PRR16: variants seen among roughly 807,000 people sequenced by gnomAD.
The protein encoded by PRR16 is protein Largen.
In PRR16, 6 loss-of-function variants were observed where a neutral mutation model predicts 18.2. The observed-to-expected ratio is 0.33, with a 90% CI of 0.18 to 0.65. The LOEUF (loss-of-function observed/expected upper bound fraction) is 0.65. PRR16 is among the 30% of genes least tolerant of loss of function. PRR16 has a pLI of 0.74. For missense variants in PRR16, 412 were observed against 376.6 expected (o/e 1.09, Z -0.78); for synonymous variants, 151 against 147.8 (o/e 1.02, Z -0.16).
At chr5:120,637,256 T>C (rs1230328705) in intron 1 of PRR16, among the ~76,000 whole-genome samples, 1 of 138,232 alleles carries the variant, frequency 7.2e-6, no homozygotes, top group Non-Finnish European at 1.5e-5. Context: ...AGTAGATCTA[T>C]CATTTGATTC....
the PRR16 span, among the ~76,000 whole-genome samples, chr5:120,727,513 G>C: frequency 3.0e-4 from 46 of 152,114 alleles, no homozygotes; most frequent in African/African-American, 1.0e-3. Flanking sequence ...ACCTTTCACC[G>C]ACATCACCCA....
chr5:120,579,457 G>A (rs543521027), intron 1 of PRR16, among the ~76,000 whole-genome samples: 90 of 152,192 alleles, frequency 5.9e-4, no homozygotes, highest in African/African-American at 2.0e-3. Flanking sequence ...TCCAGTTTCC[G>A]TTTTCTGCAT....
At chr5:120,559,595 T>C (rs1375564996) in intron 1 of PRR16, among the ~76,000 whole-genome samples, 1 of 151,906 alleles carries the variant, frequency 6.6e-6, no homozygotes, top group Admixed American at 6.6e-5. Context: ...ATGTTTTTGG[T>C]AATTGTTTTT....
At chr5:120,644,606 C>G (rs1302331650) in intron 1 of PRR16, among the ~76,000 whole-genome samples, 1 of 152,080 alleles carries the variant, frequency 6.6e-6, no homozygotes, top group Non-Finnish European at 1.5e-5. Context: ...TCCACTCAAT[C>G]TTGCCTTTTG....
intron 1 of PRR16, among the ~76,000 whole-genome samples, chr5:120,555,069 A>G: frequency 6.6e-6 from 1 of 151,948 alleles, no homozygotes; most frequent in East Asian, 1.9e-4. Flanking sequence ...TAATCTCTAT[A>G]CATTCTTTCA....
intron 1 of PRR16, among the ~76,000 whole-genome samples, chr5:120,649,903 G>C (rs2150130531): frequency 6.6e-6 from 1 of 151,912 alleles, no homozygotes; most frequent in South Asian, 2.1e-4. Context: ...TCATTATTCT[G>C]TATTTGTGAT....
chr5:120,727,164 T>C, the PRR16 span, among the ~76,000 whole-genome samples: 1 of 152,060 alleles, frequency 6.6e-6, no homozygotes. Flanking sequence ...CTTTTACTTT[T>C]TTCTCTTTTT....
At chr5:120,699,694 T>C in the PRR16 span, among the ~76,000 whole-genome samples, 3 of 152,248 alleles carry the variant, frequency 2.0e-5, no homozygotes, top group East Asian at 3.9e-4. Context: ...ACATGAGGGC[T>C]AGGCTAAAAC....
chr5:120,617,267 C>G, intron 1 of PRR16: 1 of 653,364 alleles, frequency 1.5e-6, no homozygotes, highest in Non-Finnish European at 1.9e-6. Flanking sequence ...ACATGCAAAC[C>G]AATATATCAT....
intron 1 of PRR16, among the ~76,000 whole-genome samples, chr5:120,520,817 T>C (rs1751149559): frequency 6.6e-6 from 1 of 152,156 alleles, no homozygotes; most frequent in African/African-American, 2.4e-5. Context: ...GAGTTCTGTC[T>C]CTTTCTACCA....
chr5:120,650,280 C>A (rs571490920), intron 1 of PRR16, among the ~76,000 whole-genome samples: 1 of 150,104 alleles, frequency 6.7e-6, no homozygotes, highest in East Asian at 2.0e-4. Context: ...AGAAATAAAT[C>A]ATTCAAACTT....
chr5:120,789,493 G>A, the PRR16 span, among the ~76,000 whole-genome samples: 1 of 151,900 alleles, frequency 6.6e-6, no homozygotes, highest in African/African-American at 2.4e-5. Flanking sequence ...TTTTTAATCT[G>A]GTAATAAGTT....
At chr5:120,744,095 T>G in the PRR16 span, among the ~76,000 whole-genome samples, 1 of 152,010 alleles carries the variant, frequency 6.6e-6, no homozygotes, top group African/African-American at 2.4e-5. Context: ...CTATGGCACT[T>G]GCTTTTGAGA....
chr5:120,682,658 A>C (rs1373552515), intron 1 of PRR16, among the ~76,000 whole-genome samples: 5 of 152,202 alleles, frequency 3.3e-5, no homozygotes, highest in Non-Finnish European at 4.4e-5. Context: ...CCATGAGCCA[A>C]GACTGTCTCT....
chr5:120,633,222 A>G (rs1755116373), intron 1 of PRR16, among the ~76,000 whole-genome samples: 1 of 152,160 alleles, frequency 6.6e-6, no homozygotes, highest in Admixed American at 6.5e-5. Context: ...CAAAAACTGC[A>G]AAAAGGAGCT....
At chr5:120,760,606 G>T in the PRR16 span, among the ~76,000 whole-genome samples, 1 of 151,164 alleles carries the variant, frequency 6.6e-6, no homozygotes, top group East Asian at 1.9e-4. Context: ...TAAAGCCAAA[G>T]CATGTTGCTT....
intron 1 of PRR16, among the ~76,000 whole-genome samples, chr5:120,589,583 G>C (rs1305724784): frequency 6.6e-6 from 1 of 152,064 alleles, no homozygotes; most frequent in African/African-American, 2.4e-5. Flanking sequence ...AGTTCCAAAT[G>C]GCTGGGGAGG....
intron 1 of PRR16, among the ~76,000 whole-genome samples, chr5:120,519,280 T>TGA (rs1751096821): frequency 6.6e-6 from 1 of 152,084 alleles, no homozygotes; most frequent in African/African-American, 2.4e-5. Context: ...TCAGTTACAA[T>TGA]TTATCATTGT....
intron 1 of PRR16, among the ~76,000 whole-genome samples, chr5:120,575,671 C>T (rs1424835716): frequency 6.6e-6 from 1 of 152,056 alleles, no homozygotes; most frequent in African/African-American, 2.4e-5. Flanking sequence ...GCCATATAGA[C>T]AAACACAGAG....
Sources: gnomAD v4.1 joint callset for allele counts (sites outside exome capture counted in the v4.1 genomes callset) on GRCh38, gnomAD v4.1.1 for gene constraint, MANE v1.5 for transcripts, NCBI Gene and HGNC (gene_info 2026-07-23, HGNC 2026-07-21) for gene names.